FLT1: variants seen among roughly 807,000 people sequenced by gnomAD.
FLT1 encodes the protein vascular endothelial growth factor receptor 1.
Under a neutral mutation model 156.3 loss-of-function variants are expected in FLT1, and 49 were observed. The observed-to-expected ratio is 0.31, with a 90% CI of 0.25 to 0.40. The LOEUF is 0.40. Ranked by LOEUF, FLT1 falls within the 10% of genes least tolerant of loss-of-function variation. FLT1 has a pLI of 1.00. For synonymous variants in FLT1, 594 were observed against 583.8 expected (o/e 1.02, Z -0.25); for missense variants, 1,322 against 1,637.2 (o/e 0.81, Z 3.32).
intron 4 of FLT1, among the ~76,000 whole-genome samples, chr13:28,434,992 A>G (rs1161735036): frequency 1.3e-5 from 2 of 152,216 alleles, no homozygotes; most frequent in South Asian, 2.1e-4. Context: ...TTTTCCTCCC[A>G]TTTTGCATAG....
At chr13:28,389,139 C>T (rs969754095) in intron 13 of FLT1, 36 of 1,030,984 alleles carry the variant, frequency 3.5e-5, no homozygotes, top group South Asian at 1.4e-4. Flanking sequence ...GATAAATGTG[C>T]TTAACGTAAA....
chr13:28,365,307 T>C (rs1873250864), intron 14 of FLT1, among the ~76,000 whole-genome samples: 1 of 152,170 alleles, frequency 6.6e-6, no homozygotes, highest in African/African-American at 2.4e-5. Flanking sequence ...TGTATTTGAA[T>C]TTTCTCTTTC....
At chr13:28,344,792 CTTTTTTTTT>C (rs869199622) in intron 16 of FLT1, among the ~76,000 whole-genome samples, 6 of 41,440 alleles carry the variant, frequency 1.4e-4, no homozygotes, top group African/African-American at 2.8e-4. Flanking sequence ...GGGGCCTTTA[CTTTTTTTTT>C]TTTTTTTTTT....
intron 15 of FLT1, 124 bp downstream of exon 15, chr13:28,357,430 A>C: frequency 1.1e-6 from 1 of 936,166 alleles, no homozygotes; most frequent in Non-Finnish European, 1.7e-6. Context: ...GGGAGAGGGG[A>C]GAAGGAGGTC....
intron 10 of FLT1, among the ~76,000 whole-genome samples, chr13:28,414,777 A>G (rs1876546381): frequency 6.6e-6 from 1 of 152,184 alleles, no homozygotes; most frequent in Non-Finnish European, 1.5e-5. Flanking sequence ...AAGAATGGCC[A>G]GATGAGATGT....
Position 28,427,378 on chromosome 13 carries a change from G to A in FLT1, c.1277-60C>T, listed in dbSNP as rs1877410093. The A allele has an allele frequency of 8.7e-6, 13 of 1,501,148 alleles. No homozygotes were observed. The Middle Eastern group carries it at 5.1e-4, about 59-fold the overall frequency. 93.0% of individuals were successfully genotyped at this position (1,501,148 alleles called of 1,614,324 possible). A position where few individuals can be genotyped will look rare whatever the true frequency, so the allele number is the denominator to read the frequency against. Reference sequence around the variant, plus strand: ...GAGCAGTTCTAATGACTTTCTCCTGGGCCACACATGAAGGACCACATTCTC... The same window carrying A: ...GAGCAGTTCTAATGACTTTCTCCTGAGCCACACATGAAGGACCACATTCTC... On this transcript the variant is annotated intron_variant, in intron 9 of 29. Transcript: ENST00000282397.
At chr13:28,351,314 T>C (rs1463652736) in intron 15 of FLT1, among the ~76,000 whole-genome samples, 1 of 152,200 alleles carries the variant, frequency 6.6e-6, no homozygotes, top group East Asian at 1.9e-4. Context: ...GAAGGACATG[T>C]TTCTTGTTCG....
intron 14 of FLT1, among the ~76,000 whole-genome samples, chr13:28,376,654 A>G (rs561261322): frequency 3.3e-5 from 5 of 152,162 alleles, no homozygotes; most frequent in Non-Finnish European, 7.4e-5. Flanking sequence ...TGGCCAACTT[A>G]TGTTACTTCC....
At chr13:28,312,215 T>A in intron 25 of FLT1, 117 bp from the exon 26 acceptor site, 1 of 734,172 alleles carries the variant, frequency 1.4e-6, no homozygotes, top group Non-Finnish European at 2.5e-6. Context: ...CTTTCTGTAC[T>A]ATGTGACCCT....
chr13:28,457,764 A>G (rs1324081572), intron 3 of FLT1, among the ~76,000 whole-genome samples: 1 of 152,134 alleles, frequency 6.6e-6, no homozygotes, highest in African/African-American at 2.4e-5. Context: ...TATTTTTCTT[A>G]AAAGATCACT....
At chr13:28,397,293 T>A (rs1875106481) in intron 11 of FLT1, among the ~76,000 whole-genome samples, 1 of 152,110 alleles carries the variant, frequency 6.6e-6, no homozygotes, top group Non-Finnish European at 1.5e-5. Flanking sequence ...GACATCCGAC[T>A]CATATGAGGG....
intron 3 of FLT1, among the ~76,000 whole-genome samples, chr13:28,449,106 C>T (rs1566033573): frequency 6.6e-6 from 1 of 152,110 alleles, no homozygotes; most frequent in African/African-American, 2.4e-5. Flanking sequence ...CACAGTGAGA[C>T]CCCATGTCTA....
At chr13:28,381,759 C>T (rs1245676804) in intron 14 of FLT1, among the ~76,000 whole-genome samples, 1 of 152,104 alleles carries the variant, frequency 6.6e-6, no homozygotes, top group Non-Finnish European at 1.5e-5. Flanking sequence ...CTAAGTTTTC[C>T]ATTCTACATG....
chr13:28,461,296 C>T (rs1180978446), intron 3 of FLT1, among the ~76,000 whole-genome samples: 3 of 152,134 alleles, frequency 2.0e-5, no homozygotes, highest in Admixed American at 1.3e-4. Flanking sequence ...ACTGTATAAT[C>T]TATGTTCTTA....
At chr13:28,308,138 G>C (rs990601996) in intron 28 of FLT1, among the ~76,000 whole-genome samples, 2 of 152,186 alleles carry the variant, frequency 1.3e-5, no homozygotes. Flanking sequence ...GGTGCAGCCT[G>C]ACTCAGTGGG....
chr13:28,417,575 CTGTGAGATGAGATAACTATTTATCT>C (rs527741064), intron 10 of FLT1, among the ~76,000 whole-genome samples: 1 of 152,248 alleles, frequency 6.6e-6, no homozygotes, highest in African/African-American at 2.4e-5. Flanking sequence ...CATTAAGTAG[CTGTGAGATGAGATAACTATTTATCT>C]TTGAGCCACA....
chr13:28,418,868 C>T (rs1876819286), intron 10 of FLT1, among the ~76,000 whole-genome samples: 1 of 152,136 alleles, frequency 6.6e-6, no homozygotes, highest in Non-Finnish European at 1.5e-5. Context: ...CCACTGTACC[C>T]AGCCCTCCCC....
At chr13:28,390,499 G>A (rs113463386) in intron 12 of FLT1, among the ~76,000 whole-genome samples, 2 of 152,244 alleles carry the variant, frequency 1.3e-5, no homozygotes, top group African/African-American at 4.8e-5. Context: ...GGGTTCAAGC[G>A]ATTCTCCTGC....
chr13:28,413,617 AT>A (rs934279819), intron 10 of FLT1, among the ~76,000 whole-genome samples: 103 of 152,326 alleles, frequency 6.8e-4, no homozygotes, highest in African/African-American at 2.3e-3. Flanking sequence ...CTTTAAAAAA[AT>A]ATTAGGAGTG....
Sources: allele counts gnomAD v4.1 joint callset (sites outside exome capture counted in the v4.1 genomes callset), GRCh38; gene constraint gnomAD v4.1.1; transcripts MANE v1.5; gene names NCBI Gene and HGNC (gene_info 2026-07-23, HGNC 2026-07-21).